The following VPS13B variants were observed in gnomAD, a reference collection of about 807,000 sequenced individuals.
The protein encoded by VPS13B is vacuolar protein sorting 13 homolog B, also known as intermembrane lipid transfer protein VPS13B.
A neutral mutation model predicts 426.4 loss-of-function variants in VPS13B; 285 were observed. The ratio of observed to expected loss-of-function variants is 0.67; its 90% CI spans 0.61 to 0.74. The LOEUF is 0.74. Ranked by LOEUF, VPS13B falls within the 30% of genes least tolerant of loss-of-function variation. The probability of loss-of-function intolerance (pLI) is 0.00; values close to 1 mark genes in which losing one functional copy is unlikely to be tolerated. For missense variants in VPS13B, 4,537 were observed against 4,782.6 expected (o/e 0.95, Z 1.51); for synonymous variants, 1,676 against 1,676.4 (o/e 1.00, Z 0.01).
At chr8:99,699,196 C>G (rs1362943625) in intron 35 of VPS13B, among the ~76,000 whole-genome samples, 2 of 143,000 alleles carry the variant, frequency 1.4e-5, no homozygotes, top group Non-Finnish European at 3.0e-5. Flanking sequence ...ACTGGAAAAC[C>G]TGCTTCATTT....
chr8:99,061,397 T>C (rs941975153), intron 3 of VPS13B, among the ~76,000 whole-genome samples: 1 of 151,668 alleles, frequency 6.6e-6, no homozygotes, highest in African/African-American at 2.4e-5. Flanking sequence ...TTAGTTTTTC[T>C]ATCTGACCTG....
intron 43 of VPS13B, among the ~76,000 whole-genome samples, chr8:99,797,987 T>C (rs908219507): frequency 2.4e-4 from 37 of 152,068 alleles, no homozygotes; most frequent in Non-Finnish European, 5.1e-4. Context: ...GCAGTTCCAT[T>C]TGGGGAGGAA....
At chr8:99,491,794 C>T (rs887508904) in intron 25 of VPS13B, among the ~76,000 whole-genome samples, 1 of 152,158 alleles carries the variant, frequency 6.6e-6, no homozygotes, top group Admixed American at 6.5e-5. Flanking sequence ...AGCTTCCTTG[C>T]GATGGGTTCG....
chr8:99,177,695 C>A (rs985367084), intron 16 of VPS13B, among the ~76,000 whole-genome samples: 1 of 152,076 alleles, frequency 6.6e-6, no homozygotes, highest in Non-Finnish European at 1.5e-5. Context: ...TTTCCAATTC[C>A]CTAGTTTAAT....
At chr8:99,163,636 G>A (rs1563576910) in intron 15 of VPS13B, among the ~76,000 whole-genome samples, 1 of 152,250 alleles carries the variant, frequency 6.6e-6, no homozygotes, top group Admixed American at 6.5e-5. Flanking sequence ...GCAGCCACTG[G>A]CCGGGGTGCT....
intron 7 of VPS13B, among the ~76,000 whole-genome samples, chr8:99,117,126 C>G (rs938118386): frequency 2.6e-5 from 4 of 151,936 alleles, no homozygotes; most frequent in Non-Finnish European, 4.4e-5. Context: ...ATAGATAAAG[C>G]CCTAAGAGAA....
intron 23 of VPS13B, among the ~76,000 whole-genome samples, chr8:99,457,078 C>T (rs1252585947): frequency 6.6e-6 from 1 of 150,662 alleles, no homozygotes; most frequent in East Asian, 1.9e-4. Context: ...GTCGCCCAGG[C>T]TGGAGTGCAG....
chr8:99,156,888 C>G (rs1453412413), intron 15 of VPS13B, 145 bp downstream of exon 15: 6 of 664,352 alleles, frequency 9.0e-6, no homozygotes, highest in Non-Finnish European at 1.4e-5. Flanking sequence ...GTATTTATTC[C>G]AATAAATTAA....
At chr8:99,699,131 CTTTTTT>C (rs370004663) in intron 35 of VPS13B, among the ~76,000 whole-genome samples, 2,411 of 90,564 alleles carry the variant, frequency 0.027, 47 homozygotes, top group African/African-American at 0.091. Flanking sequence ...TAAGGAAAGT[CTTTTTT>C]TTTTTTTTTT....
chr8:99,273,713 GGCAGAGCTT>G (rs74434678), intron 17 of VPS13B, among the ~76,000 whole-genome samples: 151,571 of 151,698 alleles, frequency 1, 75,724 homozygotes, highest in Middle Eastern at 1. Flanking sequence ...GAACCCGGGA[GGCAGAGCTT>G]GCAGAGCTTG....
At chr8:99,496,860 G>A (rs1820915714) in intron 25 of VPS13B, among the ~76,000 whole-genome samples, 1 of 151,636 alleles carries the variant, frequency 6.6e-6, no homozygotes, top group Non-Finnish European at 1.5e-5. Context: ...GATTTTAAAG[G>A]ATTATATTCT....
chr8:99,756,017 G>C (rs1237478325), intron 39 of VPS13B, among the ~76,000 whole-genome samples: 1 of 152,036 alleles, frequency 6.6e-6, no homozygotes, highest in East Asian at 1.9e-4. Flanking sequence ...AGGAAGCCCA[G>C]ATGTTGGACT....
intron 17 of VPS13B, among the ~76,000 whole-genome samples, chr8:99,255,470 G>T (rs1287721030): frequency 6.6e-6 from 1 of 152,094 alleles, no homozygotes; most frequent in Non-Finnish European, 1.5e-5. Context: ...TTTGGATATT[G>T]TTTTCCGAGA....
At chr8:99,176,055 G>A (rs1275216964) in intron 16 of VPS13B, among the ~76,000 whole-genome samples, 2 of 151,998 alleles carry the variant, frequency 1.3e-5, no homozygotes, top group East Asian at 3.9e-4. Flanking sequence ...CAGTATGACT[G>A]TGTATTGCAA....
chr8:99,073,563 A>G (rs1006222580), intron 3 of VPS13B, among the ~76,000 whole-genome samples: 2 of 151,524 alleles, frequency 1.3e-5, no homozygotes, highest in African/African-American at 2.4e-5. Flanking sequence ...TGATTTTTCT[A>G]TGTTGATTTT....
chr8:99,242,602 T>A (rs1414877313), intron 17 of VPS13B, among the ~76,000 whole-genome samples: 3 of 152,212 alleles, frequency 2.0e-5, no homozygotes, highest in African/African-American at 7.2e-5. Flanking sequence ...TATGTAATCT[T>A]GTATTCAGTT....
At chr8:99,196,205 T>C (rs566530530) in intron 17 of VPS13B, among the ~76,000 whole-genome samples, 2 of 152,252 alleles carry the variant, frequency 1.3e-5, no homozygotes, top group East Asian at 3.9e-4. Flanking sequence ...CATTTATTTG[T>C]GTTTTTTTTT....
At chr8:99,283,507 G>A (rs1408045416) in intron 19 of VPS13B, among the ~76,000 whole-genome samples, 1 of 152,162 alleles carries the variant, frequency 6.6e-6, no homozygotes, top group Non-Finnish European at 1.5e-5. Flanking sequence ...AACTACAGCT[G>A]AACAGAGCGT....
chr8:99,223,740 T>C (rs1815859051), intron 17 of VPS13B, among the ~76,000 whole-genome samples: 1 of 152,216 alleles, frequency 6.6e-6, no homozygotes, highest in South Asian at 2.1e-4. Context: ...GAACGTATTT[T>C]CATATGTGTA....
Sources: gnomAD v4.1 joint callset for allele counts (sites outside exome capture counted in the v4.1 genomes callset) on GRCh38, gnomAD v4.1.1 for gene constraint, MANE v1.5 for transcripts, NCBI Gene and HGNC (gene_info 2026-07-23, HGNC 2026-07-21) for gene names.